The following ABI3BP variants were observed in gnomAD, a reference collection of about 807,000 sequenced individuals.
The protein encoded by ABI3BP is target of Nesh-SH3.
In ABI3BP, 216 loss-of-function variants were observed where a neutral mutation model predicts 268.6. The observed-to-expected ratio is 0.80, with a 90% confidence interval of 0.72 to 0.90. The LOEUF (loss-of-function observed/expected upper bound fraction) is 0.90, where lower values mean the gene tolerates loss of function less well. Among genes scored for constraint, ABI3BP ranks in the 40% least tolerant of loss-of-function variants. The probability of loss-of-function intolerance (pLI) is 0.00; values close to 1 mark genes in which losing one functional copy is unlikely to be tolerated. For missense variants in ABI3BP, 2,090 were observed against 2,182.4 expected, an observed-to-expected ratio of 0.96 and a Z score of 0.84; for synonymous variants, 730 against 730.0, an observed-to-expected ratio of 1.00 and a Z score of 0.00.
Position 100,770,767 on chromosome 3 carries a change from T to G in ABI3BP, c.4717A>C (p.Lys1573Gln). The part of the protein sequence containing the change: ...CPSFVILDWE[K>Q]PLNDTVTEYE... ...CCAGTGACAGTGTCATTTAGTGGCT[T>G]TTCCCAGTCCAAGATGACAAATGAG... The change falls in exon 62 of 68, where the codon AAG (lysine) becomes CAG (glutamine). Residue 1573 changes from lysine to glutamine, a missense_variant. Lys to Gln is a moderately conservative substitution (Grantham distance 53). Transcript: ENST00000471714. The G allele has an allele frequency of 6.5e-7, 1 of 1,531,216 alleles. No individual in the cohort carries two copies. Among genetic ancestry groups the G allele is most frequent in the Admixed American group, 2.0e-5 (1 of 50,388 alleles). The allele number at this position is 1,531,216 out of a possible 1,614,324, so 94.9% of individuals were successfully genotyped here. A position where few individuals can be genotyped will look rare whatever the true frequency, so the allele number is the denominator to read the frequency against.
intron 2 of ABI3BP, among the ~76,000 whole-genome samples, chr3:100,921,779 T>C (rs1311560029): frequency 6.6e-6 from 1 of 152,176 alleles, no homozygotes; most frequent in Non-Finnish European, 1.5e-5. Flanking sequence ...TGTCAATACT[T>C]AATAAATAGA....
Position 100,749,990 on chromosome 3 carries a change from T to C in ABI3BP, c.*505A>G. ...AAAATTGAAGTTTAAATATAAAAAA[T>C]TGAAGTTTAAATATAAATGTGAAAA... On this transcript the variant is annotated 3_prime_UTR_variant, in exon 68 of 68. Coordinates refer to ENST00000471714, the MANE Select transcript of ABI3BP (RefSeq NM_001375547.2). 2 of 347,958 alleles carry C rather than the reference T, an allele frequency of 5.7e-6. No homozygotes were observed. The highest frequency in any genetic ancestry group is 8.3e-5 in the East Asian group (2 of 24,078). The allele number at this position is 347,958 out of a possible 1,614,324, so 21.6% of individuals were successfully genotyped here. A position where few individuals can be genotyped will look rare whatever the true frequency, so the allele number is the denominator to read the frequency against.
intron 24 of ABI3BP, 77 bp downstream of exon 24, chr3:100,839,492 T>G: frequency 7.0e-7 from 1 of 1,422,522 alleles, no homozygotes; most frequent in Non-Finnish European, 9.6e-7. Context: ...GGAACTGCAG[T>G]CATGCCTGTA....
At chr3:100,924,592 A>G (rs2061271257) in intron 2 of ABI3BP, among the ~76,000 whole-genome samples, 1 of 152,154 alleles carries the variant, frequency 6.6e-6, no homozygotes. Context: ...GTTCATTTTA[A>G]TACTCTTTCC....
At chr3:100,946,122 G>C (rs908808194) in intron 1 of ABI3BP, among the ~76,000 whole-genome samples, 3 of 152,052 alleles carry the variant, frequency 2.0e-5, no homozygotes, top group Admixed American at 6.5e-5. Flanking sequence ...TGCAATCCCA[G>C]CACTTTGGGA....
At chr3:100,870,327 CA>C (rs963077308) in intron 9 of ABI3BP, among the ~76,000 whole-genome samples, 1 of 151,894 alleles carries the variant, frequency 6.6e-6, no homozygotes, top group African/African-American at 2.4e-5. Flanking sequence ...AATAGCGAAA[CA>C]AAATAACACA....
intron 1 of ABI3BP, among the ~76,000 whole-genome samples, chr3:100,968,337 A>G (rs1241715767): frequency 6.6e-6 from 1 of 152,220 alleles, no homozygotes; most frequent in Non-Finnish European, 1.5e-5. Flanking sequence ...GAGAACAGGG[A>G]TAATCCAATT....
chr3:100,789,556 C>A (rs1337589233), intron 55 of ABI3BP, 40 bp from the exon 56 acceptor site: 1 of 1,549,986 alleles, frequency 6.5e-7, no homozygotes, highest in Middle Eastern at 1.7e-4. Flanking sequence ...AACCAACAGA[C>A]CAAAGCCTCC....
At chr3:100,939,032 T>C (rs1308021854) in intron 1 of ABI3BP, among the ~76,000 whole-genome samples, 1 of 152,094 alleles carries the variant, frequency 6.6e-6, no homozygotes, top group Non-Finnish European at 1.5e-5. Context: ...CTTTCTAAAT[T>C]TAAAGTTCTT....
chr3:100,912,167 T>C, intron 2 of ABI3BP: 1 of 360,262 alleles, frequency 2.8e-6, no homozygotes, highest in Non-Finnish European at 5.0e-6. Context: ...ACACCTGCTC[T>C]TACCCTTCGT....
intron 57 of ABI3BP, among the ~76,000 whole-genome samples, chr3:100,786,696 G>A (rs896049396): frequency 6.6e-6 from 1 of 152,122 alleles, no homozygotes; most frequent in Non-Finnish European, 1.5e-5. Context: ...CAGCCAGATT[G>A]CTTATGTCAA....
intron 34 of ABI3BP, among the ~76,000 whole-genome samples, chr3:100,826,909 T>C (rs1021929398): frequency 2.0e-5 from 3 of 152,266 alleles, no homozygotes; most frequent in Non-Finnish European, 4.4e-5. Flanking sequence ...CTTTCCACGG[T>C]GTCATCCAAA....
At chr3:100,939,890 G>A (rs1399248555) in intron 1 of ABI3BP, among the ~76,000 whole-genome samples, 3 of 152,030 alleles carry the variant, frequency 2.0e-5, no homozygotes, top group Admixed American at 6.6e-5. Context: ...ACCCAGGGGG[G>A]CCGTCTATAG....
At chr3:100,796,254 A>T (rs1046148734) in intron 52 of ABI3BP, among the ~76,000 whole-genome samples, 155 bp downstream of exon 52, 8 of 152,086 alleles carry the variant, frequency 5.3e-5, no homozygotes, top group African/African-American at 1.7e-4. Context: ...TTTCAACCAG[A>T]TGATTCAATT....
chr3:100,749,884 T>A lies in ABI3BP; in HGVS notation c.*611A>T. 5.1e-6 allele frequency: 2 copies of A among 395,618 alleles called. No homozygotes were observed. The highest frequency in any genetic ancestry group is 8.9e-6 in the Non-Finnish European group (2 of 224,506). The allele number at this position is 395,618 out of a possible 1,614,324, so 24.5% of individuals were successfully genotyped here. On this transcript the variant is annotated 3_prime_UTR_variant, in exon 68 of 68. Coordinates refer to ENST00000471714, the MANE Select transcript of ABI3BP (RefSeq NM_001375547.2). Reference sequence around the variant, plus strand: ...TACTGATTCAATCTTTTTAAGAATTTGTGGATGTTTAAAGGAAATGTATAT... The same window carrying A: ...TACTGATTCAATCTTTTTAAGAATTAGTGGATGTTTAAAGGAAATGTATAT...
chr3:100,915,394 C>A (rs1162895715), intron 2 of ABI3BP, among the ~76,000 whole-genome samples: 2 of 152,196 alleles, frequency 1.3e-5, no homozygotes, highest in Non-Finnish European at 2.9e-5. Context: ...AGTGGCTCTG[C>A]CAGACACTGC....
Position 100,822,620 on chromosome 3 carries a change from T to C in ABI3BP, c.2856A>G (p.Thr952=), listed in dbSNP as rs1284950658. 2.6e-6 allele frequency: 4 copies of C among 1,536,462 alleles called. No homozygotes were observed. The African/African-American group carries it at 5.5e-5, about 21-fold the overall frequency. ...TRRPRLRTKT[T]PRPEAPESKP... The stretch of plus-strand genomic sequence containing the variant: ...TGGATTCAGGTGCTTCAGGACGTGG[T>C]GTGGTTTTTGTTCTGAGACGTGGAC... Residue 952 remains threonine (T), a synonymous_variant, in exon 38 of 68, where the codon ACA becomes ACG. Coordinates refer to ENST00000471714, the MANE Select transcript of ABI3BP (RefSeq NM_001375547.2).
intron 16 of ABI3BP, among the ~76,000 whole-genome samples, 169 bp downstream of exon 16, chr3:100,850,491 G>T (rs535922746): frequency 6.6e-6 from 1 of 152,136 alleles, no homozygotes; most frequent in East Asian, 1.9e-4. Context: ...AGCCCTAAAT[G>T]GAACGTAAAA....
At chr3:100,930,771 A>T (rs1447682318) in intron 1 of ABI3BP, 1 of 151,626 alleles carries the variant, frequency 6.6e-6, no homozygotes, top group East Asian at 1.9e-4. Flanking sequence ...ATAAAGATGA[A>T]CTGGTACCAA....
Sources: allele counts gnomAD v4.1 joint callset (sites outside exome capture counted in the v4.1 genomes callset), GRCh38; gene constraint gnomAD v4.1.1; transcripts MANE v1.5; gene names NCBI Gene and HGNC (gene_info 2026-07-23, HGNC 2026-07-21).